NPSR1: variants seen among roughly 807,000 people sequenced by gnomAD.
The protein encoded by NPSR1 is neuropeptide S receptor 1.
A neutral mutation model predicts 46.9 loss-of-function variants in NPSR1; 48 were observed. That is an observed-to-expected ratio of 1.02 (90% confidence interval 0.81 to 1.30). The LOEUF (loss-of-function observed/expected upper bound fraction) is 1.30. Ranked by LOEUF, NPSR1 falls within the 50% of genes most tolerant of loss-of-function variation. NPSR1 has a pLI of 0.00. For missense variants in NPSR1, 450 were observed against 449.5 expected (o/e 1.00, Z -0.01); for synonymous variants, 176 against 168.1 (o/e 1.05, Z -0.36).
intron 4 of NPSR1, among the ~76,000 whole-genome samples, chr7:34,821,353 C>T (rs1297037655): frequency 1.3e-5 from 2 of 151,974 alleles, no homozygotes; most frequent in Non-Finnish European, 2.9e-5. Context: ...TGGTCTCAAA[C>T]TCCTGGGCTC....
downstream of NPSR1, among the ~76,000 whole-genome samples, chr7:34,852,764 C>T (rs561492862): frequency 6.6e-6 from 1 of 152,192 alleles, no homozygotes; most frequent in South Asian, 2.1e-4. Context: ...CAGGACGATA[C>T]CTAAAATAAA....
intron 3 of NPSR1, chr7:34,779,722 AT>A: frequency 2.3e-6 from 1 of 426,562 alleles, no homozygotes; most frequent in East Asian, 4.4e-5. Context: ...CTTTCTGAGG[AT>A]ATTTGCTTCC....
At position 34,827,613 on chromosome 7, in the gene NPSR1, G is replaced by A. The variant is rs574923412; in HGVS notation, c.680+11G>A. On this transcript the variant is annotated intron_variant, in intron 5 of 8. Transcript: ENST00000360581. ...TCTGACAATCATCAGGTAAGAAGCC[G>A]TCAGGACAGGACCACACGGGGGGGT... 2.1e-4 allele frequency: 193 copies of A among 915,952 alleles called. No individual in the cohort carries two copies. Among genetic ancestry groups the A allele is most frequent in the East Asian group, 5.1e-4 (13 of 25,584 alleles). The allele number at this position is 915,952 out of a possible 1,614,324, so 56.7% of individuals were successfully genotyped here. A position where few individuals can be genotyped will look rare whatever the true frequency, so the allele number is the denominator to read the frequency against.
chr7:34,727,029 G>C (rs977478392), intron 2 of NPSR1, among the ~76,000 whole-genome samples: 2 of 152,154 alleles, frequency 1.3e-5, no homozygotes, highest in African/African-American at 4.8e-5. Flanking sequence ...TGATGATGAT[G>C]TGTCAATACA....
chr7:34,740,348 T>C (rs1353161207), intron 2 of NPSR1, among the ~76,000 whole-genome samples: 1 of 151,606 alleles, frequency 6.6e-6, no homozygotes, highest in Admixed American at 6.6e-5. Flanking sequence ...TGAAAGCAAG[T>C]AGAGCTTCAG....
chr7:34,730,053 C>A (rs1158037350), intron 2 of NPSR1, among the ~76,000 whole-genome samples: 1 of 152,200 alleles, frequency 6.6e-6, no homozygotes, highest in African/African-American at 2.4e-5. Context: ...GGATTACAGA[C>A]ATGAGCCACC....
chr7:34,742,538 T>C (rs1784996085), intron 2 of NPSR1, among the ~76,000 whole-genome samples: 1 of 152,264 alleles, frequency 6.6e-6, no homozygotes, highest in African/African-American at 2.4e-5. Context: ...ATGATGTATA[T>C]GTACTACATT....
At chr7:34,660,005 A>G in intron 1 of NPSR1, 1 of 434,756 alleles carries the variant, frequency 2.3e-6, no homozygotes, top group South Asian at 1.6e-5. Flanking sequence ...GCAAGAATCA[A>G]TCTCAGCTGA....
At chr7:34,669,356 A>C (rs1206514556) in intron 1 of NPSR1, among the ~76,000 whole-genome samples, 1 of 152,120 alleles carries the variant, frequency 6.6e-6, no homozygotes, top group Non-Finnish European at 1.5e-5. Flanking sequence ...TGAGGTCAGG[A>C]GTTTGAGACC....
At chr7:34,706,681 C>A (rs544916373) in intron 2 of NPSR1, among the ~76,000 whole-genome samples, 95 of 152,152 alleles carry the variant, frequency 6.2e-4, no homozygotes, top group African/African-American at 2.2e-3. Flanking sequence ...TCCATACTGT[C>A]AAAGTGTCCC....
chr7:34,731,922 T>G (rs1211290146), intron 2 of NPSR1, among the ~76,000 whole-genome samples: 1 of 152,062 alleles, frequency 6.6e-6, no homozygotes. Flanking sequence ...GGCTCATGCC[T>G]GTAATCCCAG....
At chr7:34,865,163 G>A (rs1406294964) in intron 8 of NPSR1, among the ~76,000 whole-genome samples, 1 of 151,830 alleles carries the variant, frequency 6.6e-6, no homozygotes, top group Non-Finnish European at 1.5e-5. Flanking sequence ...AATAGAGCCT[G>A]TTTCTTTACC....
At chr7:34,828,618 A>G (rs1475368641) in intron 5 of NPSR1, among the ~76,000 whole-genome samples, 1 of 152,244 alleles carries the variant, frequency 6.6e-6, no homozygotes, top group Non-Finnish European at 1.5e-5. Context: ...ATAGTGTGTC[A>G]TATAACACAT....
Position 34,700,243 on chromosome 7 carries a change from G to A in NPSR1, c.280+15559G>A, listed in dbSNP as rs566655625. Among the ~76,000 whole-genome samples the A allele has an allele frequency of 1.9e-3, 285 of 151,876 alleles. 3 individuals carry two copies. The highest frequency in any genetic ancestry group is 4.7e-3 in the Admixed American group (71 of 15,236). ...GAGCTGGAAGGAAGGAAGGAAGGAA[G>A]GATATGTTTAGAAAGCAAGATGTTC... is the stretch of plus-strand genomic sequence containing the variant. On this transcript the variant is annotated intron_variant, in intron 2 of 8. Coordinates refer to ENST00000360581, the MANE Select transcript of NPSR1 (RefSeq NM_207172.2).
rs560470121 is a variant in NPSR1 at position 34,862,229 on chromosome 7, G to A, written c.1025+13566G>A. ...CAAGCAAGAGCGTAATTGCGGGAGT[G>A]GGAGTTGGGGGGTGGCAGTGGGCAG... On this transcript the variant is annotated intron_variant, in intron 8 of 8. Coordinates refer to the NPSR1 transcript ENST00000359791. Among the ~76,000 whole-genome samples the A allele has an allele frequency of 2.0e-5, 3 of 151,762 alleles. No individual in the cohort carries two copies. The East Asian group carries it at 5.8e-4, about 29-fold the overall frequency.
At chr7:34,878,282 A>G (rs1791623522) in exon 9 of NPSR1, 1 of 645,978 alleles carries the variant, frequency 1.5e-6, no homozygotes, top group Non-Finnish European at 2.8e-6. Context: ...AATGGGTCAC[A>G]GCAGGATGGC....
At chr7:34,674,105 G>A (rs1032690902) in intron 1 of NPSR1, among the ~76,000 whole-genome samples, 3 of 152,184 alleles carry the variant, frequency 2.0e-5, no homozygotes, top group Non-Finnish European at 2.9e-5. Flanking sequence ...AACTAGCCCA[G>A]TCCTAGCTTC....
downstream of NPSR1, chr7:34,850,099 G>A (rs1790889616): frequency 7.3e-6 from 4 of 550,918 alleles, no homozygotes; most frequent in Non-Finnish European, 9.2e-6. Flanking sequence ...GAGGTTCAGT[G>A]CTTGTAGCCA....
intron 1 of NPSR1, among the ~76,000 whole-genome samples, chr7:34,673,416 G>A (rs758606534): frequency 4.6e-5 from 7 of 152,310 alleles, no homozygotes; most frequent in African/African-American, 7.2e-5. Flanking sequence ...CGGCCTGAGT[G>A]TCATTTCTAC....
Sources: allele counts gnomAD v4.1 joint callset (sites outside exome capture counted in the v4.1 genomes callset), GRCh38; gene constraint gnomAD v4.1.1; transcripts MANE v1.5; gene names NCBI Gene and HGNC (gene_info 2026-07-23, HGNC 2026-07-21).